Variants in KCNG3 observed in about 807,000 individuals in gnomAD.
The protein encoded by KCNG3 is voltage-gated potassium channel regulatory subunit KCNG3.
In KCNG3, 15 loss-of-function variants were observed where a neutral mutation model predicts 29.0. The observed-to-expected ratio is 0.52, with a 90% CI of 0.35 to 0.80. The LOEUF (loss-of-function observed/expected upper bound fraction) is 0.80, where lower values mean the gene tolerates loss of function less well. Among genes scored for constraint, KCNG3 ranks in the 30% least tolerant of loss-of-function variants. The pLI is 0.01. For synonymous variants in KCNG3, 322 were observed against 248.9 expected, an observed-to-expected ratio of 1.29 and a Z score of -2.76; for missense variants, 512 against 605.7, an observed-to-expected ratio of 0.85 and a Z score of 1.62.
At chr2:42,413,460 A>T in the KCNG3 span, among the ~76,000 whole-genome samples, 1 of 151,992 alleles carries the variant, frequency 6.6e-6, no homozygotes, top group Non-Finnish European at 1.5e-5. Context: ...TCTCTCTTGC[A>T]TTCTACCAGA....
At chr2:42,392,055 A>G in the KCNG3 span, among the ~76,000 whole-genome samples, 4 of 152,236 alleles carry the variant, frequency 2.6e-5, no homozygotes, top group African/African-American at 9.6e-5. Flanking sequence ...CATAACAATT[A>G]GAGCATCTGA....
chr2:42,417,319 T>G, the KCNG3 span, among the ~76,000 whole-genome samples: 33 of 152,240 alleles, frequency 2.2e-4, no homozygotes, highest in African/African-American at 7.9e-4. Flanking sequence ...TTTGTAGGTG[T>G]GTGGTGGGAG....
At chr2:42,413,612 A>G in the KCNG3 span, 2 of 152,200 alleles carry the variant, frequency 1.3e-5, no homozygotes, top group African/African-American at 4.8e-5. Flanking sequence ...CACTGCTATA[A>G]AGAACTACCC....
At chr2:42,397,076 C>G in the KCNG3 span, among the ~76,000 whole-genome samples, 1 of 151,964 alleles carries the variant, frequency 6.6e-6, no homozygotes, top group Non-Finnish European at 1.5e-5. Flanking sequence ...GAAAACCTGT[C>G]TCTACTAAAA....
intron 1 of KCNG3, among the ~76,000 whole-genome samples, chr2:42,460,821 C>A (rs1377252965): frequency 1.3e-5 from 2 of 152,032 alleles, no homozygotes; most frequent in Non-Finnish European, 2.9e-5. Context: ...CCCAAAACAT[C>A]TTACAAAAAA....
At chr2:42,417,027 T>A in the KCNG3 span, among the ~76,000 whole-genome samples, 1 of 152,082 alleles carries the variant, frequency 6.6e-6, no homozygotes, top group Non-Finnish European at 1.5e-5. Flanking sequence ...GGTGGGTGGA[T>A]CACTTGTGGT....
chr2:42,466,839 G>A (rs1422952302), intron 1 of KCNG3, among the ~76,000 whole-genome samples: 2 of 145,812 alleles, frequency 1.4e-5, no homozygotes, highest in Non-Finnish European at 3.0e-5. Flanking sequence ...TGCAACCTCT[G>A]CCACCCGGGT....
the KCNG3 span, among the ~76,000 whole-genome samples, chr2:42,431,312 T>C: frequency 6.6e-6 from 1 of 150,734 alleles, no homozygotes; most frequent in Non-Finnish European, 1.5e-5. Flanking sequence ...TTTGAAAGCT[T>C]TTTTTTTTCC....
At chr2:42,426,457 C>T in the KCNG3 span, among the ~76,000 whole-genome samples, 1 of 152,194 alleles carries the variant, frequency 6.6e-6, no homozygotes. Context: ...ATGACATATA[C>T]AATGGCCATT....
the KCNG3 span, among the ~76,000 whole-genome samples, chr2:42,408,681 G>A: frequency 6.6e-6 from 1 of 152,170 alleles, no homozygotes; most frequent in East Asian, 1.9e-4. Flanking sequence ...TCACCCTCCT[G>A]CTCACCCTCT....
At chr2:42,460,574 C>G (rs1364442717) in intron 1 of KCNG3, among the ~76,000 whole-genome samples, 2 of 152,140 alleles carry the variant, frequency 1.3e-5, no homozygotes, top group East Asian at 1.9e-4. Context: ...TTTTCTTCAT[C>G]TGGGAGACCA....
chr2:42,392,033 G>C, the KCNG3 span, among the ~76,000 whole-genome samples: 1 of 152,126 alleles, frequency 6.6e-6, no homozygotes, highest in South Asian at 2.1e-4. Context: ...AAATCTTAGG[G>C]ATCTCTTTAT....
chr2:42,392,261 C>A, the KCNG3 span, among the ~76,000 whole-genome samples: 638 of 152,206 alleles, frequency 4.2e-3, 2 homozygotes, highest in African/African-American at 0.015. Context: ...CATGCTGCAG[C>A]CCACATCTCC....
chr2:42,413,901 A>G, the KCNG3 span: 3 of 152,212 alleles, frequency 2.0e-5, no homozygotes, highest in African/African-American at 7.2e-5. Flanking sequence ...GGATTATGGG[A>G]ACTATAATTC....
At chr2:42,432,699 C>G in the KCNG3 span, among the ~76,000 whole-genome samples, 1 of 152,248 alleles carries the variant, frequency 6.6e-6, no homozygotes, top group East Asian at 1.9e-4. Context: ...CTCAAATTAA[C>G]TTGGGTTAAT....
chr2:42,408,311 G>A, the KCNG3 span, among the ~76,000 whole-genome samples: 1 of 152,168 alleles, frequency 6.6e-6, no homozygotes. Context: ...TGGGCTGCCT[G>A]TCCCGCAGAC....
At chr2:42,417,903 T>A in the KCNG3 span, among the ~76,000 whole-genome samples, 7 of 151,708 alleles carry the variant, frequency 4.6e-5, no homozygotes, top group Non-Finnish European at 1.0e-4. Flanking sequence ...ATCCAGGAGG[T>A]GCGGGTTGCA....
chr2:42,478,721 C>T lies in KCNG3; in HGVS notation c.665+14116G>A, dbSNP rs377470575. Reference sequence around the variant, plus strand: ...CCACAGCGGCACCATCTCACCTTCTCTCATAGATGGCTCTATGGCTACTTG... The same window carrying T: ...CCACAGCGGCACCATCTCACCTTCTTTCATAGATGGCTCTATGGCTACTTG... On this transcript the variant is annotated intron_variant, in intron 1 of 1. Transcript: ENST00000306078. 2.2e-4 allele frequency among the ~76,000 whole-genome samples: 33 copies of T among 152,300 alleles called. No homozygotes were observed. In the South Asian group the frequency reaches 3.3e-3, roughly 15 times the overall value.
rs1453143052 is a variant in KCNG3, at chr2:42,493,682, G to C, written c.-181C>G. 2 of 424,858 alleles carry C rather than the reference G, an allele frequency of 4.7e-6. No individual in the cohort carries two copies. The highest frequency in any genetic ancestry group is 7.7e-6 in the Non-Finnish European group (2 of 260,292). The allele number at this position is 424,858 out of a possible 1,614,324, so 26.3% of individuals were successfully genotyped here. On this transcript the variant is annotated 5_prime_UTR_variant, in exon 1 of 2. Transcript: ENST00000306078. ...GGGTCCCTGGGCTCGAGTATCTCCG[G>C]CGCTGCTAGTAGCGCGCCCTCCGCC...
Sources: gnomAD v4.1 joint callset for allele counts (sites outside exome capture counted in the v4.1 genomes callset) on GRCh38, gnomAD v4.1.1 for gene constraint, MANE v1.5 for transcripts, NCBI Gene and HGNC (gene_info 2026-07-23, HGNC 2026-07-21) for gene names.